ZNF106: variants seen among roughly 807,000 people sequenced by gnomAD.
The protein encoded by ZNF106 is SH3-domain binding protein 3.
ZNF106 carries 67 observed loss-of-function variants against 195.1 expected under a neutral mutation model. The ratio of observed to expected loss-of-function variants is 0.34; its 90% CI spans 0.28 to 0.42. The LOEUF (loss-of-function observed/expected upper bound fraction) is 0.42, where lower values mean the gene tolerates loss of function less well. Among genes scored for constraint, ZNF106 ranks in the 10% least tolerant of loss-of-function variants. ZNF106 has a pLI of 1.00. For synonymous variants in ZNF106, 784 were observed against 818.6 expected, an observed-to-expected ratio of 0.96 and a Z score of 0.72; for missense variants, 2,118 against 2,304.5, an observed-to-expected ratio of 0.92 and a Z score of 1.66.
intron 4 of ZNF106, among the ~76,000 whole-genome samples, chr15:42,456,064 CTT>C (rs1166016306): frequency 3.8e-4 from 58 of 152,206 alleles, no homozygotes. Flanking sequence ...TATCTTGACA[CTT>C]ATCAAAAAAA....
In ZNF106 at chr15:42,416,933, A is replaced by C. The variant is rs74009088; in HGVS notation, c.*371T>G. On this transcript the variant is annotated 3_prime_UTR_variant, in exon 22 of 22. Transcript: ENST00000564754. The stretch of plus-strand genomic sequence containing the variant: ...TAGGTTTAAACCATCATAAGAACAT[A>C]AATTAAAAATTGCAAACTGAAATCA... The C allele has an allele frequency of 9.4e-4, 155 of 164,566 alleles. No homozygotes were observed. Among genetic ancestry groups the C allele is most frequent in the African/African-American group, 3.6e-3 (153 of 41,952 alleles). 10.2% of individuals were successfully genotyped at this position (164,566 alleles called of 1,614,324 possible). A position where few individuals can be genotyped will look rare whatever the true frequency, so the allele number is the denominator to read the frequency against.
intron 2 of ZNF106, among the ~76,000 whole-genome samples, chr15:42,468,807 C>G (rs1285691846): frequency 6.6e-6 from 1 of 152,088 alleles, no homozygotes; most frequent in South Asian, 2.1e-4. Context: ...CTAGCCACAA[C>G]TGACTGGCCG....
intron 19 of ZNF106, 129 bp from the exon 20 acceptor site, chr15:42,421,261 G>C (rs978224648): frequency 1.2e-6 from 1 of 821,404 alleles, no homozygotes; most frequent in African/African-American, 1.7e-5. Context: ...ACCAGCTCCA[G>C]AGCAGGAGAA....
At chr15:42,461,999 G>A (rs2056402228) in intron 3 of ZNF106, among the ~76,000 whole-genome samples, 2 of 152,042 alleles carry the variant, frequency 1.3e-5, no homozygotes, top group South Asian at 4.1e-4. Flanking sequence ...TCTCTTATAT[G>A]TAACATGATT....
chr15:42,422,503 G>C lies in ZNF106; in HGVS notation c.5371C>G (p.Gln1791Glu). The stretch of plus-strand genomic sequence containing the variant: ...AAAATACTGAATCTAAATTCTACCT[G>C]TAATTCATAGACACGAACAAATTTA... The part of the protein sequence containing the change: ...LDKFVRVYEL[Q>E]SHDRLQVYGG... Residue 1791 changes from glutamine to glutamate, a missense_variant and splice_region_variant, in exon 18 of 22, where the codon CAG becomes GAG. Coordinates refer to ENST00000564754, the MANE Select transcript of ZNF106 (RefSeq NM_001366845.3). 1 of 1,611,686 alleles carries C rather than the reference G, an allele frequency of 6.2e-7. No individual in the cohort carries two copies. Among genetic ancestry groups the C allele is most frequent in the Non-Finnish European group, 8.5e-7 (1 of 1,179,446 alleles).
Position 42,416,580 on chromosome 15 carries a change from C to G in ZNF106, c.*724G>C, listed in dbSNP as rs1024543443. On this transcript the variant is annotated 3_prime_UTR_variant, in exon 22 of 22. Transcript: ENST00000564754. ...TAAAGGTAGACGTTAGGTCTACGCA[C>G]TGCCTCACACTGAGCTTTCTATCCA... is the stretch of plus-strand genomic sequence containing the variant. The G allele has an allele frequency of 2.0e-5, 3 of 152,252 alleles. No individual in the cohort carries two copies. The highest frequency in any genetic ancestry group is 4.4e-5 in the Non-Finnish European group (3 of 68,066). 9.4% of individuals were successfully genotyped at this position (152,252 alleles called of 1,614,324 possible). A position where few individuals can be genotyped will look rare whatever the true frequency, so the allele number is the denominator to read the frequency against.
intron 1 of ZNF106, among the ~76,000 whole-genome samples, chr15:42,473,712 G>A (rs927610003): frequency 6.6e-6 from 1 of 152,070 alleles, no homozygotes; most frequent in East Asian, 1.9e-4. Context: ...CACTGTGGTA[G>A]ATCATGTTTC....
chr15:42,462,599 A>G (rs2141394246), intron 3 of ZNF106, among the ~76,000 whole-genome samples: 1 of 151,940 alleles, frequency 6.6e-6, no homozygotes, highest in South Asian at 2.1e-4. Context: ...ACTCCGTCTC[A>G]ATAAATAAAT....
chr15:42,434,268 C>G (rs982115336), intron 14 of ZNF106, among the ~76,000 whole-genome samples: 4 of 152,166 alleles, frequency 2.6e-5, no homozygotes, highest in Admixed American at 6.5e-5. Flanking sequence ...GGGAGGACTG[C>G]CTGACCTCAG....
At chr15:42,474,862 G>C (rs549142191) in intron 1 of ZNF106, among the ~76,000 whole-genome samples, 1 of 152,288 alleles carries the variant, frequency 6.6e-6, no homozygotes, top group Non-Finnish European at 1.5e-5. Flanking sequence ...CCCTGCTAGA[G>C]ATGCTCTATA....
chr15:42,483,265 A>G (rs1015749366), intron 1 of ZNF106, among the ~76,000 whole-genome samples: 29 of 152,172 alleles, frequency 1.9e-4, no homozygotes, highest in Non-Finnish European at 4.4e-5. Flanking sequence ...GGCCAGGAGG[A>G]GCTTACTCAG....
rs1367558813 is a variant in ZNF106 at position 42,414,257 on chromosome 15, G to GA, written c.*3046dup. The GA allele has an allele frequency of 6.6e-6, 1 of 152,188 alleles. No homozygotes were observed. Among genetic ancestry groups the GA allele is most frequent in the Non-Finnish European group, 1.5e-5 (1 of 68,030 alleles). 9.4% of individuals were successfully genotyped at this position (152,188 alleles called of 1,614,324 possible). A position where few individuals can be genotyped will look rare whatever the true frequency, so the allele number is the denominator to read the frequency against. On this transcript the variant is annotated 3_prime_UTR_variant, in exon 22 of 22. Transcript: ENST00000564754. ...AACATTGTGGAAGACATTAAAAAAA[G>GA]AAGGCAAAGTTCTGTATAATTTTCA... is the stretch of plus-strand genomic sequence containing the variant.
intron 2 of ZNF106, among the ~76,000 whole-genome samples, chr15:42,468,838 T>C (rs899462293): frequency 5.3e-5 from 8 of 152,088 alleles, no homozygotes; most frequent in Non-Finnish European, 1.2e-4. Context: ...TTAACACTTG[T>C]GGACCTGAAA....
In ZNF106 at chr15:42,450,213, G is replaced by A. The variant is rs1567016840; in HGVS notation, c.2059C>T (p.Pro687Ser). Residue 687 changes from proline (P) to serine (S), a missense_variant, in exon 5 of 22, where the codon CCT becomes TCT. Physicochemically the swap from Pro to Ser is moderately conservative, Grantham distance 74. Coordinates refer to ENST00000564754, the MANE Select transcript of ZNF106 (RefSeq NM_001366845.3). ...GTTTTCAAGTCTAGCAATAAGCCAGGGTGTGGACTGGCTGCAGATGTCATT... is the reference window on the plus strand; with the variant it reads ...GTTTTCAAGTCTAGCAATAAGCCAGAGTGTGGACTGGCTGCAGATGTCATT... Reference protein sequence around the residue: ...LQMTSAASPHPGLLLDLKTSL... With the variant: ...LQMTSAASPHSGLLLDLKTSL... The A allele has an allele frequency of 6.2e-7, 1 of 1,614,154 alleles. No homozygotes were observed. Among genetic ancestry groups the A allele is most frequent in the Non-Finnish European group, 8.5e-7 (1 of 1,180,030 alleles).
intron 5 of ZNF106, among the ~76,000 whole-genome samples, chr15:42,448,987 G>C (rs2055879362): frequency 1.3e-5 from 2 of 151,036 alleles, no homozygotes; most frequent in South Asian, 4.2e-4. Context: ...AATACATACA[G>C]CATATAATTT....
rs1005029442 is a variant in ZNF106, at chr15:42,427,658, A to G, written c.4998+360T>C. 4 of 185,374 alleles carry G rather than the reference A, an allele frequency of 2.2e-5. No homozygotes were observed. The Admixed American group carries it at 2.2e-4, about 10-fold the overall frequency. 11.5% of individuals were successfully genotyped at this position (185,374 alleles called of 1,614,324 possible). On this transcript the variant is annotated intron_variant, in intron 15 of 21. Transcript: ENST00000564754. ...CAGGGACCATGCTAATCTTCTCTGTATCATTCCAATTTTAGTGTATGTGCT... is the reference window on the plus strand; with the variant it reads ...CAGGGACCATGCTAATCTTCTCTGTGTCATTCCAATTTTAGTGTATGTGCT...
intron 21 of ZNF106, 106 bp downstream of exon 21, chr15:42,417,699 A>T: frequency 7.6e-7 from 1 of 1,319,926 alleles, no homozygotes. Context: ...AAAAAACCCT[A>T]GGCCCTCCCT....
chr15:42,428,984 C>G (rs1270860754), intron 14 of ZNF106, among the ~76,000 whole-genome samples: 2 of 151,270 alleles, frequency 1.3e-5, no homozygotes, highest in Non-Finnish European at 2.9e-5. Context: ...CCAGGATGGT[C>G]TCGATCTCCT....
At chr15:42,477,977 T>C (rs1391548216) in intron 1 of ZNF106, among the ~76,000 whole-genome samples, 1 of 151,852 alleles carries the variant, frequency 6.6e-6, no homozygotes, top group Non-Finnish European at 1.5e-5. Flanking sequence ...GATACACTGT[T>C]ATTTATTTAT....
Sources: allele counts gnomAD v4.1 joint callset (sites outside exome capture counted in the v4.1 genomes callset), GRCh38; gene constraint gnomAD v4.1.1; transcripts MANE v1.5; gene names NCBI Gene and HGNC (gene_info 2026-07-23, HGNC 2026-07-21).